INSL6: variants seen among roughly 807,000 people sequenced by gnomAD.
INSL6 encodes the protein insulin like 6, also known as insulin-like peptide INSL6.
INSL6 carries 16 observed loss-of-function variants against 9.4 expected under a neutral mutation model. That is an observed-to-expected ratio of 1.70 (90% confidence interval 1.15 to 2.59). INSL6 has a LOEUF of 2.59. INSL6 is among the 30% of genes most tolerant of loss of function. The pLI is 0.00. For missense variants in INSL6, 391 were observed against 257.3 expected (o/e 1.52, Z -3.56); for synonymous variants, 154 against 96.9 (o/e 1.59, Z -3.46).
the INSL6 span, chr9:5,055,015 C>T: frequency 0.95 from 588,267 of 619,990 alleles, 279,308 homozygotes; most frequent in East Asian, 1. Flanking sequence ...TTTTTAATAG[C>T]GTGAACCTAT....
At chr9:5,004,420 TATA>T in the INSL6 span, among the ~76,000 whole-genome samples, 2 of 152,184 alleles carry the variant, frequency 1.3e-5, no homozygotes, top group African/African-American at 4.8e-5. Flanking sequence ...TTTCACTTAA[TATA>T]ATGTCTTCCA....
chr9:5,183,754 CAAGA>C (rs2130924919), intron 1 of INSL6, among the ~76,000 whole-genome samples: 1 of 150,840 alleles, frequency 6.6e-6, no homozygotes, highest in African/African-American at 2.4e-5. Context: ...GAGAAAAGAA[CAAGA>C]AAGAGGAGTT....
At chr9:5,020,518 G>C in the INSL6 span, among the ~76,000 whole-genome samples, 1 of 152,280 alleles carries the variant, frequency 6.6e-6, no homozygotes, top group East Asian at 1.9e-4. Flanking sequence ...CCCTGATGCT[G>C]GGGAGGGTGC....
rs554288922 is a variant in INSL6 at position 5,143,267 on chromosome 9, G to C, written c.377-9675C>G. ...TTTTTTAATAGTTTCAGTAGGAATG[G>C]TACCAGCTCTTCTTTATACATCTCG... On this transcript the variant is annotated intron_variant, in intron 2 of 3. Transcript: ENST00000649639. Among the ~76,000 whole-genome samples the C allele has an allele frequency of 5.3e-5, 8 of 151,608 alleles. No homozygotes were observed. The South Asian group carries it at 8.3e-4, about 16-fold the overall frequency.
the INSL6 span, among the ~76,000 whole-genome samples, chr9:5,045,468 T>C: frequency 6.6e-6 from 1 of 152,214 alleles, no homozygotes; most frequent in Admixed American, 6.5e-5. Flanking sequence ...TTCAGTTGTA[T>C]TAAGTACAAA....
the INSL6 span, among the ~76,000 whole-genome samples, chr9:5,074,349 T>G: frequency 6.6e-6 from 1 of 152,196 alleles, no homozygotes; most frequent in African/African-American, 2.4e-5. Context: ...TTTTACATAT[T>G]GAAGGTTTAC....
intron 1 of INSL6, among the ~76,000 whole-genome samples, chr9:5,175,184 C>A (rs1168666407): frequency 2.0e-5 from 3 of 152,136 alleles, no homozygotes; most frequent in Admixed American, 6.5e-5. Flanking sequence ...TCATGATCCA[C>A]CTGCCTCGGC....
the INSL6 span, among the ~76,000 whole-genome samples, chr9:5,050,145 T>C: frequency 6.6e-6 from 1 of 152,208 alleles, no homozygotes; most frequent in Non-Finnish European, 1.5e-5. Flanking sequence ...GAAGATATAA[T>C]TTGAAGATAT....
downstream of INSL6, among the ~76,000 whole-genome samples, chr9:5,119,163 A>G (rs1226259830): frequency 1.3e-5 from 2 of 152,182 alleles, no homozygotes; most frequent in Non-Finnish European, 2.9e-5. Flanking sequence ...CATACAACCC[A>G]TTTGGTAATG....
At chr9:5,064,494 C>T in the INSL6 span, among the ~76,000 whole-genome samples, 4 of 148,506 alleles carry the variant, frequency 2.7e-5, no homozygotes, top group African/African-American at 1.0e-4. Context: ...TGTGCCAGTG[C>T]ACTTCAGCCT....
chr9:5,046,319 G>T, the INSL6 span, among the ~76,000 whole-genome samples: 5 of 152,082 alleles, frequency 3.3e-5, no homozygotes, highest in Non-Finnish European at 2.9e-5. Context: ...CTCCTTATAA[G>T]ATACATGATT....
chr9:5,045,625 A>G, the INSL6 span, among the ~76,000 whole-genome samples: 12 of 152,108 alleles, frequency 7.9e-5, no homozygotes, highest in Admixed American at 2.0e-4. Context: ...CTGAATATAA[A>G]TCTGCCTTTT....
intron 1 of INSL6, among the ~76,000 whole-genome samples, chr9:5,181,214 G>C (rs980294925): frequency 6.6e-5 from 10 of 152,038 alleles, no homozygotes; most frequent in African/African-American, 2.4e-4. Flanking sequence ...AAAGAATAAA[G>C]GTTGAAGATT....
At chr9:5,179,817 G>A (rs1473938408) in intron 1 of INSL6, among the ~76,000 whole-genome samples, 1 of 152,164 alleles carries the variant, frequency 6.6e-6, no homozygotes, top group Non-Finnish European at 1.5e-5. Flanking sequence ...CACATGCAGG[G>A]GAAAACACAC....
At chr9:5,005,733 A>T in the INSL6 span, among the ~76,000 whole-genome samples, 1 of 152,194 alleles carries the variant, frequency 6.6e-6, no homozygotes, top group African/African-American at 2.4e-5. Flanking sequence ...TATAAGCTCA[A>T]TGTTTCTTCC....
chr9:5,115,680 G>T, the INSL6 span, among the ~76,000 whole-genome samples: 1 of 152,202 alleles, frequency 6.6e-6, no homozygotes, highest in Non-Finnish European at 1.5e-5. Context: ...ATCAATGATA[G>T]ACTGGATAAA....
At chr9:5,113,361 C>A in the INSL6 span, among the ~76,000 whole-genome samples, 3 of 149,384 alleles carry the variant, frequency 2.0e-5, no homozygotes, top group Non-Finnish European at 3.0e-5. Flanking sequence ...TCTTCAAAAG[C>A]CAGCAGCAAA....
chr9:5,164,167 CTCTTG>C lies in INSL6; in HGVS notation c.383_387del (p.Thr128ArgfsTer7). On this transcript the variant is annotated frameshift_variant, in exon 2 of 2. Coordinates refer to ENST00000381641, the MANE Select transcript of INSL6 (RefSeq NM_007179.3). LOFTEE classifies it low-confidence loss of function (END_TRUNC). The stretch of plus-strand genomic sequence containing the variant: ...TTGATATTATGTGATGAAGAAAATT[CTCTTG>C]TCTTACCAAGGGGTGAATATCCCTT... The C allele has an allele frequency of 6.2e-7, 1 of 1,607,398 alleles. No individual in the cohort carries two copies. The highest frequency in any genetic ancestry group is 8.5e-7 in the Non-Finnish European group (1 of 1,177,188).
chr9:5,034,269 T>G, the INSL6 span, among the ~76,000 whole-genome samples: 1 of 152,084 alleles, frequency 6.6e-6, no homozygotes, highest in Non-Finnish European at 1.5e-5. Flanking sequence ...CAAAGAGACT[T>G]AGACTTCCAC....
Sources: allele counts gnomAD v4.1 joint callset (sites outside exome capture counted in the v4.1 genomes callset), GRCh38; gene constraint gnomAD v4.1.1; transcripts MANE v1.5; gene names NCBI Gene and HGNC (gene_info 2026-07-23, HGNC 2026-07-21).